The following SLC39A10 variants were observed in gnomAD, a reference collection of about 807,000 sequenced individuals.
SLC39A10 encodes the protein solute carrier family 39 member 10.
In SLC39A10, 13 loss-of-function variants were observed where a neutral mutation model predicts 65.1. The ratio of observed to expected loss-of-function variants is 0.20; its 90% CI spans 0.13 to 0.32. The LOEUF is 0.32. SLC39A10 is among the 10% of genes least tolerant of loss of function. The pLI, the probability that SLC39A10 is intolerant of heterozygous loss-of-function variation, is 1.00. For missense variants in SLC39A10, 831 were observed against 1,018.4 expected, an observed-to-expected ratio of 0.82 and a Z score of 2.50; for synonymous variants, 321 against 342.2, an observed-to-expected ratio of 0.94 and a Z score of 0.68.
intron 1 of SLC39A10, 70 bp downstream of exon 1, chr2:195,657,351 G>T (rs903901301): frequency 1.2e-5 from 12 of 980,502 alleles, no homozygotes; most frequent in African/African-American, 1.7e-5. Context: ...CGGAGACTGC[G>T]AGTCCCGGGA....
intron 4 of SLC39A10, 89 bp from the exon 5 acceptor site, chr2:195,708,567 C>A: frequency 1.0e-6 from 1 of 983,964 alleles, no homozygotes; most frequent in Non-Finnish European, 1.4e-6. Context: ...TTTTCTGTGT[C>A]ATTTAGGAGA....
At chr2:195,661,001 A>T (rs924741196) in intron 1 of SLC39A10, among the ~76,000 whole-genome samples, 5 of 152,260 alleles carry the variant, frequency 3.3e-5, no homozygotes, top group African/African-American at 1.2e-4. Context: ...GGACCTCTTC[A>T]TAGCCACAAG....
At chr2:195,687,034 G>A (rs912660462) in intron 3 of SLC39A10, among the ~76,000 whole-genome samples, 3 of 152,166 alleles carry the variant, frequency 2.0e-5, no homozygotes, top group African/African-American at 4.8e-5. Flanking sequence ...GGTAAGATGA[G>A]TAAAAGGAGA....
At chr2:195,691,515 A>T in intron 3 of SLC39A10, among the ~76,000 whole-genome samples, 1 of 152,292 alleles carries the variant, frequency 6.6e-6, no homozygotes, top group Middle Eastern at 3.4e-3. Context: ...CACCACATCT[A>T]TGCCAACATC....
chr2:195,684,869 A>G (rs888666088), intron 3 of SLC39A10, among the ~76,000 whole-genome samples: 1 of 152,160 alleles, frequency 6.6e-6, no homozygotes, highest in Non-Finnish European at 1.5e-5. Flanking sequence ...TTTTCTTTAT[A>G]GTGATAGCTA....
At chr2:195,623,750 T>C (rs1688400043) in intron 2 of SLC39A10, among the ~76,000 whole-genome samples, 1 of 152,206 alleles carries the variant, frequency 6.6e-6, no homozygotes, top group African/African-American at 2.4e-5. Flanking sequence ...ATTATTCTTT[T>C]TTCTCAGCAA....
rs544596445 is a variant in SLC39A10 at position 195,646,003 on chromosome 2, A to C, written c.-11-34029A>C. On this transcript the variant is annotated intron_variant, in intron 2 of 2. Coordinates refer to the SLC39A10 transcript ENST00000458054. ...TGTGTCAAAAAAAAGGCTGGAGTGCAGTGGCACAATCACAGCTCACTGCAG... is the reference window on the plus strand; with the variant it reads ...TGTGTCAAAAAAAAGGCTGGAGTGCCGTGGCACAATCACAGCTCACTGCAG... 6.3e-4 allele frequency among the ~76,000 whole-genome samples: 96 copies of C among 152,238 alleles called. 1 individual carries two copies. The South Asian group carries it at 0.02, about 31-fold the overall frequency.
intron 3 of SLC39A10, among the ~76,000 whole-genome samples, chr2:195,698,595 A>G (rs1002550435): frequency 6.6e-6 from 1 of 151,616 alleles, no homozygotes; most frequent in Non-Finnish European, 1.5e-5. Context: ...TTTTTTCTTT[A>G]TTCTGTTAAT....
At chr2:195,668,925 A>G (rs867948210) in intron 1 of SLC39A10, among the ~76,000 whole-genome samples, 2 of 152,172 alleles carry the variant, frequency 1.3e-5, no homozygotes, top group African/African-American at 4.8e-5. Flanking sequence ...TCTACTAAAA[A>G]TACAAAAATT....
chr2:195,614,137 G>C (rs542582751), intron 2 of SLC39A10, among the ~76,000 whole-genome samples: 6 of 152,266 alleles, frequency 3.9e-5, no homozygotes, highest in East Asian at 1.9e-4. Flanking sequence ...CAGAAGGCTG[G>C]CTGGCTGGGA....
intron 9 of SLC39A10, among the ~76,000 whole-genome samples, chr2:195,732,286 C>T (rs1186523090): frequency 6.6e-6 from 1 of 152,078 alleles, no homozygotes; most frequent in Non-Finnish European, 1.5e-5. Context: ...TGATTTAAAG[C>T]CATTCAATAA....
rs147767932 is a variant in SLC39A10, at chr2:195,627,311, T to C, written c.-12+21078T>C. Among the ~76,000 whole-genome samples the C allele has an allele frequency of 1.1e-3, 173 of 152,262 alleles. 1 individual carries two copies. The highest frequency in any genetic ancestry group is 3.7e-3 in the East Asian group (19 of 5,190). ...AATGACTCACATCTACCTCAGTGAT[T>C]AAAGCAAAATAGCTACAACTTCAAT... On this transcript the variant is annotated intron_variant, in intron 2 of 2. Coordinates refer to the SLC39A10 transcript ENST00000458054.
intron 1 of SLC39A10, among the ~76,000 whole-genome samples, chr2:195,660,902 A>G (rs539502425): frequency 1.3e-5 from 2 of 152,320 alleles, no homozygotes; most frequent in South Asian, 4.1e-4. Flanking sequence ...AAAGTTTGAA[A>G]GTGTTAAATT....
At chr2:195,711,258 T>A (rs1691592776) in intron 5 of SLC39A10, among the ~76,000 whole-genome samples, 3 of 152,222 alleles carry the variant, frequency 2.0e-5, no homozygotes, top group Admixed American at 2.0e-4. Context: ...CATTTCAGAT[T>A]TCAGATAAAC....
chr2:195,725,819 A>G (rs1692214476), intron 8 of SLC39A10, among the ~76,000 whole-genome samples: 1 of 152,220 alleles, frequency 6.6e-6, no homozygotes, highest in Admixed American at 6.5e-5. Context: ...TGAGTCTTAC[A>G]TGCATTATTC....
intron 2 of SLC39A10, among the ~76,000 whole-genome samples, chr2:195,630,161 T>TTTTG (rs1351983452): frequency 6.6e-6 from 1 of 150,724 alleles, no homozygotes; most frequent in Non-Finnish European, 1.5e-5. Flanking sequence ...TTTTTTTTTT[T>TTTTG]TTAATAAACT....
intron 2 of SLC39A10, among the ~76,000 whole-genome samples, chr2:195,621,298 A>C (rs896309540): frequency 1.3e-5 from 2 of 152,222 alleles, no homozygotes; most frequent in Non-Finnish European, 2.9e-5. Context: ...ATGTTTTTCT[A>C]AATGTTTGAT....
chr2:195,698,949 A>T (rs1691079466), intron 3 of SLC39A10, among the ~76,000 whole-genome samples: 1 of 151,822 alleles, frequency 6.6e-6, no homozygotes, highest in Non-Finnish European at 1.5e-5. Flanking sequence ...TTTTGTTGGA[A>T]GATTTTTGAT....
At chr2:195,719,717 A>G (rs1691954315) in intron 8 of SLC39A10, among the ~76,000 whole-genome samples, 1 of 151,426 alleles carries the variant, frequency 6.6e-6, no homozygotes, top group Non-Finnish European at 1.5e-5. Flanking sequence ...CCCTGGGTTC[A>G]AGCGATTCTC....
Sources: allele counts gnomAD v4.1 joint callset (sites outside exome capture counted in the v4.1 genomes callset), GRCh38; gene constraint gnomAD v4.1.1; transcripts MANE v1.5; gene names NCBI Gene and HGNC (gene_info 2026-07-23, HGNC 2026-07-21).